The following SPAG16 variants were observed in gnomAD, a reference collection of about 807,000 sequenced individuals.
SPAG16 encodes sperm-associated antigen 16 protein.
Under a neutral mutation model 80.4 loss-of-function variants are expected in SPAG16, and 86 were observed. The ratio of observed to expected loss-of-function variants is 1.07; its 90% confidence interval spans 0.90 to 1.28. The LOEUF (loss-of-function observed/expected upper bound fraction) is 1.28, where lower values mean the gene tolerates loss of function less well. SPAG16 is among the 50% of genes most tolerant of loss of function. SPAG16 has a pLI of 0.00. For missense variants in SPAG16, 870 were observed against 765.3 expected (o/e 1.14, Z -1.61); for synonymous variants, 294 against 265.9 (o/e 1.11, Z -1.03).
At chr2:214,325,449 G>T (rs1696407126) in intron 15 of SPAG16, among the ~76,000 whole-genome samples, 1 of 152,148 alleles carries the variant, frequency 6.6e-6, no homozygotes, top group Non-Finnish European at 1.5e-5. Flanking sequence ...TGTGTTGGGG[G>T]TTAGTGGGTT....
At chr2:214,315,483 C>T (rs1695612200) in intron 15 of SPAG16, among the ~76,000 whole-genome samples, 1 of 151,056 alleles carries the variant, frequency 6.6e-6, no homozygotes, top group Non-Finnish European at 1.5e-5. Flanking sequence ...TTATTCTTCC[C>T]CCCTCCAGCC....
intron 9 of SPAG16, among the ~76,000 whole-genome samples, chr2:213,426,703 C>T (rs1357914832): frequency 6.6e-6 from 1 of 151,778 alleles, no homozygotes; most frequent in Non-Finnish European, 1.5e-5. Context: ...CTCTTTAAAA[C>T]CTCATTAACT....
At chr2:214,072,782 T>TA (rs567309731) in intron 13 of SPAG16, among the ~76,000 whole-genome samples, 1 of 152,122 alleles carries the variant, frequency 6.6e-6, no homozygotes, top group Non-Finnish European at 1.5e-5. Flanking sequence ...TAGGACTTTT[T>TA]AAAAAATGTT....
intron 10 of SPAG16, among the ~76,000 whole-genome samples, chr2:213,615,593 A>C (rs2061567178): frequency 6.6e-6 from 1 of 152,244 alleles, no homozygotes; most frequent in South Asian, 2.1e-4. Context: ...TATCTAAAAA[A>C]ATGAACAAAC....
chr2:213,757,364 A>G (rs1023201312), intron 10 of SPAG16, among the ~76,000 whole-genome samples: 1 of 152,148 alleles, frequency 6.6e-6, no homozygotes, highest in Non-Finnish European at 1.5e-5. Flanking sequence ...GCAATTCTAA[A>G]ATTCATATGC....
At chr2:213,351,482 A>G (rs1458700682) in intron 7 of SPAG16, among the ~76,000 whole-genome samples, 1 of 152,190 alleles carries the variant, frequency 6.6e-6, no homozygotes, top group Non-Finnish European at 1.5e-5. Context: ...GTTTTTGTGT[A>G]GGCTTAGGCC....
chr2:214,227,493 G>A (rs1479592501), intron 15 of SPAG16, among the ~76,000 whole-genome samples: 4 of 151,802 alleles, frequency 2.6e-5, no homozygotes, highest in African/African-American at 9.7e-5. Flanking sequence ...ACTCCAATAT[G>A]TACTTACCCA....
intron 12 of SPAG16, among the ~76,000 whole-genome samples, chr2:213,950,747 C>T (rs1425706613): frequency 1.5e-5 from 2 of 129,856 alleles, no homozygotes; most frequent in Non-Finnish European, 3.1e-5. Flanking sequence ...CTTGCTCTGT[C>T]GCCCAGACTG....
At chr2:213,929,674 G>T (rs995376901) in intron 11 of SPAG16, among the ~76,000 whole-genome samples, 1 of 152,094 alleles carries the variant, frequency 6.6e-6, no homozygotes, top group Non-Finnish European at 1.5e-5. Context: ...ACAAACACAT[G>T]ATAACAAAAA....
intron 15 of SPAG16, among the ~76,000 whole-genome samples, chr2:214,158,349 A>G (rs2056302045): frequency 6.6e-6 from 1 of 152,048 alleles, no homozygotes; most frequent in South Asian, 2.1e-4. Flanking sequence ...CCAAAACAGA[A>G]ATAAAATTTG....
intron 11 of SPAG16, among the ~76,000 whole-genome samples, chr2:213,862,968 G>A (rs1038876259): frequency 6.6e-6 from 1 of 152,134 alleles, no homozygotes; most frequent in Admixed American, 6.5e-5. Flanking sequence ...ATTTACCTTT[G>A]TTAATCTTTG....
intron 15 of SPAG16, among the ~76,000 whole-genome samples, chr2:214,350,951 G>T (rs1317885005): frequency 6.6e-6 from 1 of 151,958 alleles, no homozygotes; most frequent in Non-Finnish European, 1.5e-5. Flanking sequence ...AGGCAACTTG[G>T]AATAAGAAAA....
At chr2:213,534,991 G>A (rs746144219) in intron 10 of SPAG16, among the ~76,000 whole-genome samples, 12 of 152,042 alleles carry the variant, frequency 7.9e-5, no homozygotes, top group African/African-American at 2.7e-4. Flanking sequence ...AAGCAGGACC[G>A]TGTAAAGACA....
intron 13 of SPAG16, among the ~76,000 whole-genome samples, chr2:214,058,487 T>A (rs2050059549): frequency 6.6e-6 from 1 of 152,066 alleles, no homozygotes; most frequent in South Asian, 2.1e-4. Flanking sequence ...ACATCAAAGG[T>A]CACTAATCAT....
rs369345146 is a variant in SPAG16 at position 214,052,227 on chromosome 2, T to C, written c.1527+38150T>C. On this transcript the variant is annotated intron_variant, in intron 13 of 15. Coordinates refer to ENST00000331683, the MANE Select transcript of SPAG16 (RefSeq NM_024532.5). ...GTCATTGTTCTCCACCTAGTACCTA[T>C]TGCAGTTTTTCCTAAAGTAAATTGA... Among the ~76,000 whole-genome samples, 23 of 152,348 alleles carry C rather than the reference T, an allele frequency of 1.5e-4. No homozygotes were observed. In the East Asian group the frequency reaches 3.7e-3, roughly 24 times the overall value.
chr2:213,741,523 CA>C (rs1245658535), intron 10 of SPAG16, among the ~76,000 whole-genome samples: 1 of 151,958 alleles, frequency 6.6e-6, no homozygotes, highest in Non-Finnish European at 1.5e-5. Context: ...AAATGATACA[CA>C]GAGATGATAA....
chr2:213,654,199 T>C (rs1384775153), intron 10 of SPAG16, among the ~76,000 whole-genome samples: 4 of 152,144 alleles, frequency 2.6e-5, no homozygotes, highest in Non-Finnish European at 5.9e-5. Flanking sequence ...CTGGCCTGTA[T>C]CTTAAATTAT....
intron 15 of SPAG16, among the ~76,000 whole-genome samples, chr2:214,210,818 T>C (rs935789702): frequency 6.7e-6 from 1 of 150,262 alleles, no homozygotes; most frequent in Non-Finnish European, 1.5e-5. Context: ...AGCAAAAAAA[T>C]ACACACACAC....
chr2:214,344,687 G>A (rs1344019163), intron 15 of SPAG16, among the ~76,000 whole-genome samples: 1 of 151,982 alleles, frequency 6.6e-6, no homozygotes, highest in Non-Finnish European at 1.5e-5. Context: ...ATTCTATAAG[G>A]TATGTTATTC....
Sources: gnomAD v4.1 joint callset for allele counts (sites outside exome capture counted in the v4.1 genomes callset) on GRCh38, gnomAD v4.1.1 for gene constraint, MANE v1.5 for transcripts, NCBI Gene and HGNC (gene_info 2026-07-23, HGNC 2026-07-21) for gene names.